Variants in SYCP2L observed in about 807,000 individuals in gnomAD.
SYCP2L encodes synaptonemal complex protein 2-like.
In SYCP2L, 98 loss-of-function variants were observed where a neutral mutation model predicts 125.8. That is an observed-to-expected ratio of 0.78 (90% CI 0.66 to 0.92). SYCP2L has a LOEUF of 0.92. Among genes scored for constraint, SYCP2L ranks in the 40% least tolerant of loss-of-function variants. SYCP2L has a pLI of 0.00. For synonymous variants in SYCP2L, 317 were observed against 325.4 expected (o/e 0.97, Z 0.28); for missense variants, 842 against 936.4 (o/e 0.90, Z 1.32).
chr6:10,902,966 A>G lies in SYCP2L; in HGVS notation c.641+3A>G, dbSNP rs745891181. The stretch of plus-strand genomic sequence containing the variant: ...TCAGAAGGCATGTGTCATCTTATGT[A>G]AGTGACTTTGTATAAGTTACGTGCT... On this transcript the variant is annotated splice_donor_region_variant and intron_variant, in intron 8 of 29. Transcript: ENST00000283141. The G allele has an allele frequency of 6.2e-7, 1 of 1,613,500 alleles. No homozygotes were observed. The highest frequency in any genetic ancestry group is 8.5e-7 in the Non-Finnish European group (1 of 1,179,406).
At chr6:10,958,692 C>A in intron 25 of SYCP2L, 92 bp from the exon 26 acceptor site, 2 of 1,170,198 alleles carry the variant, frequency 1.7e-6, no homozygotes, top group Non-Finnish European at 2.4e-6. Flanking sequence ...AATATTATTA[C>A]ATGCTGGCAG....
At chr6:10,920,984 C>T (rs1303002021) in intron 14 of SYCP2L, among the ~76,000 whole-genome samples, 1 of 152,178 alleles carries the variant, frequency 6.6e-6, no homozygotes, top group Non-Finnish European at 1.5e-5. Context: ...CACAGATCAT[C>T]CCATCACCTA....
intron 12 of SYCP2L, among the ~76,000 whole-genome samples, chr6:10,911,648 CTGTT>C (rs1780608698): frequency 6.6e-6 from 1 of 152,122 alleles, no homozygotes; most frequent in African/African-American, 2.4e-5. Flanking sequence ...ATTCTGCTCT[CTGTT>C]TGGTTTTTCT....
At chr6:10,928,493 G>T (rs753248503) in intron 18 of SYCP2L, 43 bp downstream of exon 18, 2 of 1,531,986 alleles carry the variant, frequency 1.3e-6, no homozygotes, top group Non-Finnish European at 1.7e-6. Context: ...TCTGTCTCCA[G>T]TGGGACTGTG....
intron 15 of SYCP2L, among the ~76,000 whole-genome samples, chr6:10,925,578 G>T (rs1780882950): frequency 6.6e-6 from 1 of 152,190 alleles, no homozygotes; most frequent in African/African-American, 2.4e-5. Flanking sequence ...ATAGAAAGTT[G>T]AATTAAGAGC....
At chr6:10,893,796 A>G (rs558204895) in intron 2 of SYCP2L, 71 bp from the exon 3 acceptor site, 38 of 1,495,732 alleles carry the variant, frequency 2.5e-5, no homozygotes, top group African/African-American at 8.5e-5. Context: ...TGATAATGAG[A>G]TCAGTTAGAA....
intron 23 of SYCP2L, among the ~76,000 whole-genome samples, chr6:10,949,719 A>ATGT (rs1382862394): frequency 7.9e-4 from 41 of 51,794 alleles, no homozygotes; most frequent in Non-Finnish European, 1.9e-3. Context: ...TACCTGATAC[A>ATGT]TCTTTTTTTT....
intron 10 of SYCP2L, among the ~76,000 whole-genome samples, chr6:10,908,561 C>T (rs1424789004): frequency 6.6e-6 from 1 of 152,142 alleles, no homozygotes; most frequent in African/African-American, 2.4e-5. Context: ...CATTTTCCCT[C>T]TTCTTTTAAA....
intron 28 of SYCP2L, among the ~76,000 whole-genome samples, chr6:10,962,842 T>A (rs1294916578): frequency 6.6e-6 from 1 of 152,328 alleles, no homozygotes; most frequent in East Asian, 1.9e-4. Flanking sequence ...TCATGTAGCC[T>A]ATGGGAAATT....
At chr6:10,918,697 C>T (rs1197096716) in intron 14 of SYCP2L, among the ~76,000 whole-genome samples, 2 of 152,012 alleles carry the variant, frequency 1.3e-5, no homozygotes, top group African/African-American at 4.8e-5. Context: ...CCACCATACC[C>T]AGCTAATTTT....
chr6:10,894,172 C>A lies in SYCP2L; in HGVS notation c.304C>A (p.Pro102Thr), dbSNP rs777921938. ...CGTAGATGGCCTGAAAGAAGATGAA[C>A]CTCTGCTAATTCGGCAGGGACTGAT... ...FLVDGLKEDE[P>T]LLIRQGLIPK... The change falls in exon 4 of 30, where the codon CCT (proline) becomes ACT (threonine). Residue 102 changes from proline to threonine, a missense_variant. Pro to Thr is a conservative substitution (Grantham distance 38). Coordinates refer to ENST00000283141, the MANE Select transcript of SYCP2L (RefSeq NM_001040274.3). 2 of 1,613,572 alleles carry A rather than the reference C, an allele frequency of 1.2e-6. No individual in the cohort carries two copies. The highest frequency in any genetic ancestry group is 1.3e-5 in the African/African-American group (1 of 74,892).
chr6:10,908,097 A>C (rs1780534207), intron 10 of SYCP2L, among the ~76,000 whole-genome samples: 1 of 152,024 alleles, frequency 6.6e-6, no homozygotes, highest in Non-Finnish European at 1.5e-5. Context: ...CATGTTGGCC[A>C]GTCTTATCTT....
intron 4 of SYCP2L, among the ~76,000 whole-genome samples, chr6:10,895,652 A>G (rs1223280620): frequency 6.6e-6 from 1 of 152,030 alleles, no homozygotes; most frequent in African/African-American, 2.4e-5. Flanking sequence ...TATGAATTAG[A>G]GAATAAAAGA....
intron 23 of SYCP2L, 125 bp downstream of exon 23, chr6:10,942,871 G>A (rs749981288): frequency 4.4e-5 from 37 of 849,506 alleles, no homozygotes; most frequent in African/African-American, 2.8e-4. Context: ...TTGCCAGGCC[G>A]TGGAGGGAGC....
In SYCP2L at chr6:10,954,830, T is replaced by C. The variant is rs1781471976; in HGVS notation, c.1955-286T>C. On this transcript the variant is annotated intron_variant, in intron 23 of 29. Transcript: ENST00000283141. The surrounding 1 kb of genome is among the most constrained non-coding windows in gnomAD (Gnocchi z 4.8). ...AAGCGTTGCTTTTGATGTCTACCAT[T>C]ACTGCTTAACTTAGGAACGCTCTGC... Among the ~76,000 whole-genome samples the C allele has an allele frequency of 1.3e-5, 2 of 152,210 alleles. No homozygotes were observed. Among genetic ancestry groups the C allele is most frequent in the Non-Finnish European group, 2.9e-5 (2 of 68,036 alleles).
chr6:10,944,601 TC>T (rs1201671926), intron 23 of SYCP2L, among the ~76,000 whole-genome samples: 1 of 152,114 alleles, frequency 6.6e-6, no homozygotes, highest in East Asian at 1.9e-4. Context: ...ATATATTATT[TC>T]CTATGTTACT....
intron 8 of SYCP2L, among the ~76,000 whole-genome samples, chr6:10,905,595 A>T (rs1780475341): frequency 6.6e-6 from 1 of 152,174 alleles, no homozygotes; most frequent in Non-Finnish European, 1.5e-5. Flanking sequence ...CCCAGCCTAG[A>T]TTAGTTTTTA....
intron 15 of SYCP2L, 76 bp from the exon 16 acceptor site, chr6:10,926,263 G>A (rs1277318208): frequency 1.9e-6 from 2 of 1,076,756 alleles, no homozygotes; most frequent in East Asian, 4.8e-5. Context: ...TTTGTTCTAA[G>A]CTTTACGTTT....
rs1329814027 is a variant in SYCP2L at position 10,954,725 on chromosome 6, C to G, written c.1955-391C>G. On this transcript the variant is annotated intron_variant, in intron 23 of 29. Coordinates refer to ENST00000283141, the MANE Select transcript of SYCP2L (RefSeq NM_001040274.3). The surrounding 1 kb of genome is among the most constrained non-coding windows in gnomAD (Gnocchi z 4.8). ...CCGTGTCACCAGCAGATGGCGCGCT[C>G]CGGGGTGTGAGCTGAAGCACTTCCA... 6.6e-6 allele frequency among the ~76,000 whole-genome samples: 1 copy of G among 152,164 alleles called. No homozygotes were observed. The highest frequency in any genetic ancestry group is 1.5e-5 in the Non-Finnish European group (1 of 68,024).
Sources: allele counts gnomAD v4.1 joint callset (sites outside exome capture counted in the v4.1 genomes callset), GRCh38; gene constraint gnomAD v4.1.1; non-coding constraint Gnocchi (gnomAD v3.1); transcripts MANE v1.5; gene names NCBI Gene and HGNC (gene_info 2026-07-23, HGNC 2026-07-21).